Variants in RSF1 observed in about 807,000 individuals in gnomAD.
RSF1 encodes the protein HBV pX-associated protein 8.
In RSF1, 13 loss-of-function variants were observed where a neutral mutation model predicts 145.2. That is an observed-to-expected ratio of 0.09 (90% CI 0.06 to 0.14). The LOEUF is 0.14. Among genes scored for constraint, RSF1 ranks in the 10% least tolerant of loss-of-function variants. The probability of loss-of-function intolerance (pLI) is 1.00; values close to 1 mark genes in which losing one functional copy is unlikely to be tolerated. For missense variants in RSF1, 1,517 were observed against 1,718.2 expected, an observed-to-expected ratio of 0.88 and a Z score of 2.07; for synonymous variants, 577 against 592.6, an observed-to-expected ratio of 0.97 and a Z score of 0.38.
At chr11:77,768,106 AATAAT>A (rs1411062552) in intron 1 of RSF1, among the ~76,000 whole-genome samples, 1 of 151,938 alleles carries the variant, frequency 6.6e-6, no homozygotes, top group Non-Finnish European at 1.5e-5. Flanking sequence ...AATTAATTTT[AATAAT>A]ATATTTTATT....
chr11:77,742,154 A>G (rs531438930), intron 3 of RSF1, among the ~76,000 whole-genome samples: 2 of 152,376 alleles, frequency 1.3e-5, no homozygotes, highest in South Asian at 2.1e-4. Context: ...TCCGTTGGAT[A>G]TATATCCAGC....
rs779263662 is a variant in RSF1, at chr11:77,701,192, T to G, written c.2037A>C (p.Glu679Asp). ...LKEDSEFTKV[E>D]MDNLDNAQTS... ...TCTGGGCATTGTCCAGATTATCCAT[T>G]TCTACCTTTGTGAACTCAGAATCCT... The change falls in exon 6 of 16, where the codon GAA (glutamate) becomes GAC (aspartate). Residue 679 changes from glutamate (E) to aspartate (D), a missense_variant. Transcript: ENST00000308488. 6.8e-6 allele frequency: 11 copies of G among 1,614,034 alleles called. No individual in the cohort carries two copies. The highest frequency in any genetic ancestry group is 9.3e-6 in the Non-Finnish European group (11 of 1,180,032).
the RSF1 span, among the ~76,000 whole-genome samples, chr11:77,855,845 A>T: frequency 6.6e-6 from 1 of 150,616 alleles, no homozygotes; most frequent in East Asian, 2.0e-4. Flanking sequence ...CATCCCTGTA[A>T]TCCCAGCACT....
chr11:77,786,013 G>GCATATCATA (rs1202548710), intron 1 of RSF1, among the ~76,000 whole-genome samples: 1 of 138,324 alleles, frequency 7.2e-6, no homozygotes, highest in Non-Finnish European at 1.5e-5. Flanking sequence ...AGAAACATCT[G>GCATATCATA]CATATCATAT....
Position 77,750,542 on chromosome 11 carries a change from G to A in RSF1, c.280-3414C>T, listed in dbSNP as rs141514394. The stretch of plus-strand genomic sequence containing the variant: ...CTTAGCTTTTTGAGACAGGTACCAG[G>A]CAGGATGTGGCTCATGAGCTATAAT... On this transcript the variant is annotated intron_variant, in intron 2 of 15. Transcript: ENST00000308488. Among the ~76,000 whole-genome samples the A allele has an allele frequency of 1.4e-3, 206 of 152,274 alleles. 1 individual carries two copies. The highest frequency in any genetic ancestry group is 3.3e-3 in the African/African-American group (137 of 41,540).
At chr11:77,838,337 T>G in the RSF1 span, among the ~76,000 whole-genome samples, 1 of 152,224 alleles carries the variant, frequency 6.6e-6, no homozygotes, top group African/African-American at 2.4e-5. Context: ...CTACAGTCAG[T>G]AGACTAGTGT....
chr11:77,850,434 C>T, the RSF1 span, among the ~76,000 whole-genome samples: 3,098 of 152,206 alleles, frequency 0.02, 95 homozygotes, highest in African/African-American at 0.07. Flanking sequence ...TTGCTCATTT[C>T]TATCCTAAGG....
chr11:77,701,189 C>T lies in RSF1; in HGVS notation c.2040G>A (p.Met680Ile). 6.2e-7 allele frequency: 1 copy of T among 1,614,126 alleles called. No homozygotes were observed. Among genetic ancestry groups the T allele is most frequent in the Non-Finnish European group, 8.5e-7 (1 of 1,180,024 alleles). The change falls in exon 6 of 16, where the codon ATG becomes ATA. Residue 680 changes from methionine to isoleucine, a missense_variant. Around this residue, in one of 12 missense-constraint regions of RSF1, gnomAD observed 579 missense variants for 553.5 expected, o/e 1.05. Coordinates refer to ENST00000308488, the MANE Select transcript of RSF1 (RefSeq NM_016578.4). Reference protein sequence around the residue: ...KEDSEFTKVEMDNLDNAQTSG... With the variant: ...KEDSEFTKVEIDNLDNAQTSG... ...AGGTCTGGGCATTGTCCAGATTATC[C>T]ATTTCTACCTTTGTGAACTCAGAAT... is the stretch of plus-strand genomic sequence containing the variant.
At chr11:77,824,296 A>G (rs550473008), upstream of RSF1, among the ~76,000 whole-genome samples, 27 of 152,368 alleles carry the variant, frequency 1.8e-4, no homozygotes, top group Non-Finnish European at 3.4e-4. Flanking sequence ...AAGAGTAGCT[A>G]TTTTTAAAAC....
At chr11:77,670,902 T>A (rs1365144151) in intron 15 of RSF1, among the ~76,000 whole-genome samples, 2 of 150,680 alleles carry the variant, frequency 1.3e-5, no homozygotes, top group African/African-American at 4.9e-5. Context: ...AGGTCAGGAG[T>A]TCGAGACTAG....
Position 77,676,980 on chromosome 11 carries a change from A to C in RSF1, c.3153T>G (p.Asp1051Glu), listed in dbSNP as rs1959724137. 6.2e-7 allele frequency: 1 copy of C among 1,613,612 alleles called. No homozygotes were observed. Among genetic ancestry groups the C allele is most frequent in the Non-Finnish European group, 8.5e-7 (1 of 1,179,824 alleles). ...ADGGGVGRGK[D>E]ISTITGHRGK... ...CACGATGACCTGTGATGGTGGAGAT[A>C]TCTTTTCCTCGGCCAACTCCTGAAT... Residue 1051 changes from aspartate (D) to glutamate (E), a missense_variant, in exon 13 of 16, where the codon GAT (aspartate) becomes GAG (glutamate). By Grantham distance (45) the Asp-to-Glu change is conservative. Around this residue, in one of 12 missense-constraint regions of RSF1, gnomAD observed 231 missense variants for 276.6 expected, o/e 0.84. Transcript: ENST00000308488.
Position 77,666,803 on chromosome 11 carries a change from TA to T in RSF1, c.*113del, listed in dbSNP as rs1167744798. 2 of 822,910 alleles carry T rather than the reference TA, an allele frequency of 2.4e-6. No individual in the cohort carries two copies. Among genetic ancestry groups the T allele is most frequent in the Non-Finnish European group, 3.6e-6 (2 of 559,656 alleles). 51.0% of individuals were successfully genotyped at this position (822,910 alleles called of 1,614,324 possible). The stretch of plus-strand genomic sequence containing the variant: ...TCAGGATTTGTTGAAATTTTTCTTC[TA>T]AAAGTCATTCTGTAGTGGAGTTTTC... On this transcript the variant is annotated 3_prime_UTR_variant, in exon 16 of 16. Coordinates refer to ENST00000308488, the MANE Select transcript of RSF1 (RefSeq NM_016578.4).
chr11:77,705,206 A>T (rs1960519825), intron 5 of RSF1, among the ~76,000 whole-genome samples: 1 of 152,246 alleles, frequency 6.6e-6, no homozygotes. Context: ...GGTCAGTTAC[A>T]CAAGCATTTT....
At chr11:77,733,393 T>C (rs987692147) in intron 4 of RSF1, among the ~76,000 whole-genome samples, 1 of 151,896 alleles carries the variant, frequency 6.6e-6, no homozygotes. Context: ...ATAGTCTGCA[T>C]ATAACTTTAT....
intron 8 of RSF1, chr11:77,691,666 G>A (rs1960153373): frequency 6.5e-6 from 1 of 154,422 alleles, no homozygotes; most frequent in Admixed American, 6.5e-5. Context: ...TGTGAGTGCT[G>A]TGGTATTTAC....
At position 77,777,950 on chromosome 11, in the gene RSF1, T is replaced by C. The variant is rs75590448; in HGVS notation, c.188-13261A>G. 2.1e-3 allele frequency among the ~76,000 whole-genome samples: 312 copies of C among 147,764 alleles called. 1 individual carries two copies. Among genetic ancestry groups the C allele is most frequent in the African/African-American group, 7.3e-3 (292 of 40,204 alleles). ...TCTCAATACCTAGTTCTTATGTGCA[T>C]AAAATCTAACCTAACAGAAAATAAG... On this transcript the variant is annotated intron_variant, in intron 1 of 15. Coordinates refer to ENST00000308488, the MANE Select transcript of RSF1 (RefSeq NM_016578.4).
chr11:77,695,318 T>C (rs1364932946), intron 7 of RSF1, among the ~76,000 whole-genome samples: 7 of 152,160 alleles, frequency 4.6e-5, no homozygotes, highest in Non-Finnish European at 8.8e-5. Flanking sequence ...GCAACGATTG[T>C]TACTGTGGTG....
chr11:77,735,179 C>T lies in RSF1; in HGVS notation c.578+5552G>A, dbSNP rs180963741. Among the ~76,000 whole-genome samples, 5 of 152,260 alleles carry T rather than the reference C, an allele frequency of 3.3e-5. No homozygotes were observed. In the East Asian group the frequency reaches 5.8e-4, roughly 18 times the overall value. ...GGGGTGGGGGACGAGCACCGGGTTC[C>T]GTCCAAGCACTGTTGAAGCAGGAAA... is the stretch of plus-strand genomic sequence containing the variant. On this transcript the variant is annotated intron_variant, in intron 4 of 15. Transcript: ENST00000308488.
At chr11:77,815,880 TAACAA>T (rs1328989734) in intron 1 of RSF1, among the ~76,000 whole-genome samples, 1 of 152,190 alleles carries the variant, frequency 6.6e-6, no homozygotes, top group African/African-American at 2.4e-5. Flanking sequence ...TTTAAGAACT[TAACAA>T]AACATCTAAA....
Sources: gnomAD v4.1 joint callset for allele counts (sites outside exome capture counted in the v4.1 genomes callset) on GRCh38, gnomAD v4.1.1 for gene constraint, gnomAD v4.1.1 regional missense constraint, MANE v1.5 for transcripts, NCBI Gene and HGNC (gene_info 2026-07-23, HGNC 2026-07-21) for gene names.